Variants in IFT80 observed in about 807,000 individuals in gnomAD.
IFT80 encodes intraflagellar transport protein 80 homolog.
A neutral mutation model predicts 107.9 loss-of-function variants in IFT80; 79 were observed. That is an observed-to-expected ratio of 0.73 (90% CI 0.61 to 0.88). IFT80 has a LOEUF of 0.88. Ranked by LOEUF, IFT80 falls within the 40% of genes least tolerant of loss-of-function variation. The pLI, the probability that IFT80 is intolerant of heterozygous loss-of-function variation, is 0.00. For missense variants in IFT80, 797 were observed against 914.2 expected (o/e 0.87, Z 1.65); for synonymous variants, 299 against 300.9 (o/e 0.99, Z 0.07).
intron 19 of IFT80, among the ~76,000 whole-genome samples, chr3:160,261,895 C>T (rs1216744659): frequency 2.0e-5 from 3 of 151,872 alleles, no homozygotes; most frequent in South Asian, 2.1e-4. Context: ...AGTACACGGA[C>T]GGCCCTGGAA....
intron 1 of IFT80, among the ~76,000 whole-genome samples, chr3:160,395,377 TGTTAGTATTTCCA>T (rs1190746244): frequency 7.2e-5 from 11 of 152,352 alleles, no homozygotes; most frequent in Non-Finnish European, 1.3e-4. Context: ...ACTTAATAAA[TGTTAGTATTTCCA>T]GTGAAAGTTG....
chr3:160,301,047 C>A lies in IFT80; in HGVS notation c.1152-1G>T, dbSNP rs777519235. ...ACTACCATCTACAAGAAGAAAATGT[C>A]TAAAAAATAAAGAATAGAAATAGAT... On this transcript the variant is annotated splice_acceptor_variant, in intron 11 of 19. Coordinates refer to ENST00000326448, the MANE Select transcript of IFT80 (RefSeq NM_020800.3). LOFTEE classifies it high-confidence loss of function. The A allele has an allele frequency of 6.4e-7, 1 of 1,566,578 alleles. No individual in the cohort carries two copies. Among genetic ancestry groups the A allele is most frequent in the Non-Finnish European group, 8.7e-7 (1 of 1,144,310 alleles).
chr3:160,341,744 A>T (rs1033325739), intron 8 of IFT80, among the ~76,000 whole-genome samples: 1 of 152,220 alleles, frequency 6.6e-6, no homozygotes, highest in Non-Finnish European at 1.5e-5. Flanking sequence ...CTGGAAAAGA[A>T]AAAAAGGACC....
At chr3:160,286,370 C>T (rs1715092137) in intron 12 of IFT80, among the ~76,000 whole-genome samples, 1 of 152,178 alleles carries the variant, frequency 6.6e-6, no homozygotes, top group African/African-American at 2.4e-5. Context: ...GCCACTTCTT[C>T]CCCTTCTTAA....
At chr3:160,358,460 G>A (rs1019863137) in intron 6 of IFT80, among the ~76,000 whole-genome samples, 1 of 152,094 alleles carries the variant, frequency 6.6e-6, no homozygotes, top group Non-Finnish European at 1.5e-5. Flanking sequence ...AACTTCTGCT[G>A]TATTTACCAT....
chr3:160,286,562 T>C (rs1401397237), intron 12 of IFT80, among the ~76,000 whole-genome samples: 5 of 152,176 alleles, frequency 3.3e-5, no homozygotes, highest in Admixed American at 3.3e-4. Context: ...TATTTCTTCC[T>C]GCAATATGAG....
chr3:160,263,452 C>T (rs192958625), intron 19 of IFT80, among the ~76,000 whole-genome samples: 2 of 152,254 alleles, frequency 1.3e-5, no homozygotes, highest in East Asian at 1.9e-4. Flanking sequence ...TTCTCTTATC[C>T]TGGTATTAAG....
chr3:160,258,748 G>GA, intron 19 of IFT80, 113 bp from the exon 20 acceptor site: 1 of 1,286,316 alleles, frequency 7.8e-7, no homozygotes. Context: ...AAAGATTAGA[G>GA]AAAAAGAGAG....
intron 8 of IFT80, among the ~76,000 whole-genome samples, chr3:160,334,044 G>A (rs1246408567): frequency 6.6e-6 from 1 of 152,094 alleles, no homozygotes; most frequent in African/African-American, 2.4e-5. Flanking sequence ...ATAATCTTAT[G>A]GGACCACTAT....
intron 8 of IFT80, among the ~76,000 whole-genome samples, chr3:160,338,171 A>G (rs1719634390): frequency 6.6e-6 from 1 of 152,194 alleles, no homozygotes; most frequent in Non-Finnish European, 1.5e-5. Context: ...TACCACCAGC[A>G]ATATCCTAGA....
At chr3:160,321,441 T>A (rs1188144427) in intron 8 of IFT80, among the ~76,000 whole-genome samples, 3 of 151,934 alleles carry the variant, frequency 2.0e-5, no homozygotes, top group African/African-American at 4.8e-5. Flanking sequence ...GAAACAGAGA[T>A]CTTAGTTTAA....
chr3:160,311,174 T>C (rs1026621913), intron 9 of IFT80, among the ~76,000 whole-genome samples: 2 of 152,100 alleles, frequency 1.3e-5, no homozygotes, highest in South Asian at 2.1e-4. Context: ...AATGTAATCA[T>C]ACCACAAAGA....
At chr3:160,377,868 A>G (rs1576893315) in intron 3 of IFT80, 1 of 169,124 alleles carries the variant, frequency 5.9e-6, no homozygotes, top group East Asian at 1.7e-4. Flanking sequence ...TTCAGAAACG[A>G]TGTGCCAATA....
rs559675645 is a variant in IFT80, at chr3:160,397,751, C to T, written c.-47+1395G>A. Among the ~76,000 whole-genome samples, 24 of 103,828 alleles carry T rather than the reference C, an allele frequency of 2.3e-4. No individual in the cohort carries two copies. The South Asian group carries it at 5.4e-3, about 24-fold the overall frequency. 68.1% of individuals were successfully genotyped at this position (103,828 alleles called of 152,430 possible). ...TTTTTTTTTTTTTGAGACGCAGTTT[C>T]GCTCTTGTTGCCCAGGCTGTAGTGC... On this transcript the variant is annotated intron_variant, in intron 1 of 19. Coordinates refer to ENST00000326448, the MANE Select transcript of IFT80 (RefSeq NM_020800.3).
chr3:160,287,467 G>A (rs1162249615), intron 12 of IFT80, among the ~76,000 whole-genome samples: 2 of 152,150 alleles, frequency 1.3e-5, no homozygotes, highest in African/African-American at 4.8e-5. Flanking sequence ...ATACCCAGTG[G>A]AGGTGAAAAT....
At chr3:160,382,752 A>C (rs1023000023) in intron 2 of IFT80, among the ~76,000 whole-genome samples, 2 of 152,226 alleles carry the variant, frequency 1.3e-5, no homozygotes, top group African/African-American at 4.8e-5. Context: ...TCTGAGCAAT[A>C]ATACAATTGC....
At position 160,319,826 on chromosome 3, in the gene IFT80, A is replaced by G; in HGVS notation, c.891T>C (p.His297=). The G allele has an allele frequency of 5.0e-6, 8 of 1,613,100 alleles. No homozygotes were observed. The highest frequency in any genetic ancestry group is 6.8e-6 in the Non-Finnish European group (8 of 1,179,310). ...ACGNGHVVFA[H]VVEQHWEWKN... ...TCCACTCCCAATGTTGTTCCACCAC[A>G]TGTGCAAAAACGACATGTCCATTTC... The change falls in exon 9 of 20, where the codon CAT becomes CAC. Residue 297 remains histidine, a synonymous_variant. Coordinates refer to ENST00000326448, the MANE Select transcript of IFT80 (RefSeq NM_020800.3).
chr3:160,381,163 G>A (rs1712463260), intron 3 of IFT80, among the ~76,000 whole-genome samples: 2 of 149,288 alleles, frequency 1.3e-5, no homozygotes, highest in South Asian at 2.1e-4. Context: ...TGTGAGCCCA[G>A]GAGTTTGAAG....
chr3:160,271,868 C>T, intron 18 of IFT80, among the ~76,000 whole-genome samples: 1 of 149,510 alleles, frequency 6.7e-6, no homozygotes, highest in Middle Eastern at 3.2e-3. Flanking sequence ...ACTAACATCA[C>T]AAAAAATACC....
Sources: gnomAD v4.1 joint callset for allele counts (sites outside exome capture counted in the v4.1 genomes callset) on GRCh38, gnomAD v4.1.1 for gene constraint, MANE v1.5 for transcripts, NCBI Gene and HGNC (gene_info 2026-07-23, HGNC 2026-07-21) for gene names.